ITGA11: variants seen among roughly 807,000 people sequenced by gnomAD.
The protein encoded by ITGA11 is integrin alpha-11.
In ITGA11, 97 loss-of-function variants were observed where a neutral mutation model predicts 141.9. The observed-to-expected ratio is 0.68, with a 90% CI of 0.58 to 0.81. The LOEUF (loss-of-function observed/expected upper bound fraction) is 0.81, where lower values mean the gene tolerates loss of function less well. ITGA11 is among the 30% of genes least tolerant of loss of function. The probability of loss-of-function intolerance (pLI) is 0.00; values close to 1 mark genes in which losing one functional copy is unlikely to be tolerated. For synonymous variants in ITGA11, 658 were observed against 624.6 expected (o/e 1.05, Z -0.80); for missense variants, 1,387 against 1,559.2 (o/e 0.89, Z 1.86).
At chr15:68,407,942 C>T (rs568765345) in intron 1 of ITGA11, among the ~76,000 whole-genome samples, 3 of 152,326 alleles carry the variant, frequency 2.0e-5, no homozygotes, top group South Asian at 2.1e-4. Context: ...GGGGAGAGTT[C>T]GCTCCAGCTT....
chr15:68,369,485 TG>T (rs1393196034), intron 2 of ITGA11, among the ~76,000 whole-genome samples: 1 of 152,178 alleles, frequency 6.6e-6, no homozygotes, highest in Non-Finnish European at 1.5e-5. Context: ...CATAAAGTCA[TG>T]GGACCTGTGG....
chr15:68,389,369 T>C (rs1352257901), intron 2 of ITGA11, among the ~76,000 whole-genome samples: 5 of 152,228 alleles, frequency 3.3e-5, no homozygotes. Context: ...CTGGGCCCTG[T>C]GGACACCACA....
At chr15:68,413,910 C>T (rs891654819) in intron 1 of ITGA11, among the ~76,000 whole-genome samples, 6 of 152,198 alleles carry the variant, frequency 3.9e-5, no homozygotes, top group Admixed American at 1.3e-4. Flanking sequence ...AAGGAAAGAA[C>T]GAAAGAAAAT....
At chr15:68,311,114 A>C (rs746836825) in intron 25 of ITGA11, 34 bp from the exon 26 acceptor site, 14 of 1,517,382 alleles carry the variant, frequency 9.2e-6, no homozygotes, top group Middle Eastern at 3.4e-4. Context: ...ACACACATAC[A>C]CAGCCTCACA....
chr15:68,380,813 C>A (rs1047156804), intron 2 of ITGA11, among the ~76,000 whole-genome samples: 14 of 152,184 alleles, frequency 9.2e-5, no homozygotes, highest in African/African-American at 2.7e-4. Context: ...CAGAGTCATC[C>A]TCAACAGGTT....
Position 68,321,409 on chromosome 15 carries a change from C to A in ITGA11, c.2408+9G>T. The A allele has an allele frequency of 6.4e-7, 1 of 1,555,134 alleles. No individual in the cohort carries two copies. On this transcript the variant is annotated intron_variant, in intron 19 of 29. Transcript: ENST00000315757. This position sits in a 1 kb window ranked among gnomAD's most constrained non-coding sequence, Gnocchi z 4.9. ...GGGGCGAGGGTGGGGGTGGAAGGAG[C>A]CAACTCACATGGCCGTGGGCAGGTC...
intron 2 of ITGA11, 75 bp from the exon 3 acceptor site, chr15:68,369,359 C>A (rs1895519763): frequency 3.6e-6 from 1 of 277,102 alleles, no homozygotes; most frequent in Non-Finnish European, 6.7e-6. Flanking sequence ...GCCTGGTGGG[C>A]AGTGTGGAGG....
chr15:68,314,796 G>A (rs1055111608), intron 22 of ITGA11, among the ~76,000 whole-genome samples: 6 of 152,190 alleles, frequency 3.9e-5, no homozygotes, highest in Non-Finnish European at 5.9e-5. Context: ...GCTGGGACGC[G>A]AGCACGTGTC....
rs1269642148 is a variant in ITGA11 at position 68,333,207 on chromosome 15, C to G, written c.1426-729G>C. Among the ~76,000 whole-genome samples, 1 of 151,918 alleles carries G rather than the reference C, an allele frequency of 6.6e-6. No homozygotes were observed. The highest frequency in any genetic ancestry group is 2.4e-5 in the African/African-American group (1 of 41,356). ...CTCAAACTCCTGGGTTCAAGTGATC[C>G]TCCCATCTCAGCCTCCTGAGTAGCT... On this transcript the variant is annotated intron_variant, in intron 12 of 29. Transcript: ENST00000315757. The surrounding 1 kb of genome is among the most constrained non-coding windows in gnomAD (Gnocchi z 4.2).
intron 16 of ITGA11, among the ~76,000 whole-genome samples, chr15:68,327,283 T>C (rs1894009338): frequency 6.6e-6 from 1 of 152,196 alleles, no homozygotes; most frequent in African/African-American, 2.4e-5. Flanking sequence ...TTCTGGGGCA[T>C]AAACCCTGCT....
rs1039321508 is a variant in ITGA11, at chr15:68,331,027, GC to G, written c.1854del (p.Leu619SerfsTer13). On this transcript the variant is annotated frameshift_variant, in exon 15 of 30. Coordinates refer to ENST00000315757, the MANE Select transcript of ITGA11 (RefSeq NM_001004439.2). LOFTEE classifies it high-confidence loss of function. ...IHGQLDLNEDGLIDLAVGALG... is the reference protein window; with the variant it reads ...IHGQLDLNEDXLIDLAVGALG... The stretch of plus-strand genomic sequence containing the variant: ...AGGGCTCCCACTGCCAGGTCGATGA[GC>G]CCATCCTCATTGAGGTCCAATTGCC... The G allele has an allele frequency of 3.1e-6, 5 of 1,613,450 alleles. No individual in the cohort carries two copies. Among genetic ancestry groups the G allele is most frequent in the Non-Finnish European group, 4.2e-6 (5 of 1,179,770 alleles).
Position 68,350,685 on chromosome 15 carries a change from T to C in ITGA11, c.992A>G (p.Asn331Ser), listed in dbSNP as rs776256824. 23 of 1,613,824 alleles carry C rather than the reference T, an allele frequency of 1.4e-5. No individual in the cohort carries two copies. Among genetic ancestry groups the C allele is most frequent in the African/African-American group, 4.0e-5 (3 of 74,922 alleles). Residue 331 changes from asparagine to serine, a missense_variant, in exon 9 of 30, where the codon AAT (asparagine) becomes AGT (serine). By Grantham distance (46) the Asn-to-Ser change is conservative. Coordinates refer to ENST00000315757, the MANE Select transcript of ITGA11 (RefSeq NM_001004439.2). ...ASDPDDKHFF[N>S]VTDEAALKDI... ...CTTCAAGGCAGCCTCATCAGTGACA[T>C]TGAAGAAGTGCTTGTCATCAGGGTC...
rs369936062 is a variant in ITGA11, at chr15:68,307,499, C to T, written c.3286-56G>A. On this transcript the variant is annotated intron_variant, in intron 27 of 29. Transcript: ENST00000315757. The surrounding 1 kb of genome is among the most constrained non-coding windows in gnomAD (Gnocchi z 6.1). ...GCTTGGAAGCTTTTCTTCCCGTCCCCTCCCCAGGCAGCCCCAGGTGGAAGA... is the reference window on the plus strand; with the variant it reads ...GCTTGGAAGCTTTTCTTCCCGTCCCTTCCCCAGGCAGCCCCAGGTGGAAGA... 2.0e-5 allele frequency: 30 copies of T among 1,521,288 alleles called. No homozygotes were observed. The East Asian group carries it at 6.3e-4, about 32-fold the overall frequency. 94.2% of individuals were successfully genotyped at this position (1,521,288 alleles called of 1,614,324 possible).
intron 1 of ITGA11, among the ~76,000 whole-genome samples, chr15:68,425,741 C>T (rs1471223143): frequency 1.3e-5 from 2 of 152,224 alleles, no homozygotes; most frequent in Admixed American, 1.3e-4. Context: ...TTCCTGAGGC[C>T]CAGTCCTCTG....
rs752074900 is a variant in ITGA11 at position 68,333,077 on chromosome 15, T to C, written c.1426-599A>G. Among the ~76,000 whole-genome samples the C allele has an allele frequency of 2.0e-4, 31 of 151,608 alleles. No individual in the cohort carries two copies. Among genetic ancestry groups the C allele is most frequent in the Non-Finnish European group, 4.6e-4 (31 of 68,014 alleles). On this transcript the variant is annotated intron_variant, in intron 12 of 29. Transcript: ENST00000315757. The surrounding 1 kb of genome is among the most constrained non-coding windows in gnomAD (Gnocchi z 4.2). ...TCCAAATTATGCATGTATCATAATG[T>C]GTTTAATCAGTTATTGCTGGACGGT...
intron 2 of ITGA11, among the ~76,000 whole-genome samples, chr15:68,400,660 A>T (rs1345748973): frequency 1.6e-4 from 5 of 31,078 alleles, no homozygotes; most frequent in South Asian, 6.2e-4. Flanking sequence ...TATATAATAA[A>T]TATATTATAT....
Position 68,300,896 on chromosome 15 carries a change from A to G in ITGA11, c.*2163T>C, listed in dbSNP as rs1284677425. 6.6e-6 allele frequency: 1 copy of G among 152,240 alleles called. No homozygotes were observed. Among genetic ancestry groups the G allele is most frequent in the African/African-American group, 2.4e-5 (1 of 41,458 alleles). The allele number at this position is 152,240 out of a possible 1,614,324, so 9.4% of individuals were successfully genotyped here. A position where few individuals can be genotyped will look rare whatever the true frequency, so the allele number is the denominator to read the frequency against. ...GCCAGCCTCTAAAAATCAGATATCC[A>G]TAAGAGCATTCTCAGATCTGATGAT... On this transcript the variant is annotated 3_prime_UTR_variant, in exon 30 of 30. Coordinates refer to ENST00000315757, the MANE Select transcript of ITGA11 (RefSeq NM_001004439.2).
Position 68,307,031 on chromosome 15 carries a change from A to T in ITGA11, c.3381+317T>A, listed in dbSNP as rs546818149. On this transcript the variant is annotated intron_variant, in intron 28 of 29. Coordinates refer to ENST00000315757, the MANE Select transcript of ITGA11 (RefSeq NM_001004439.2). The surrounding 1 kb of genome is among the most constrained non-coding windows in gnomAD (Gnocchi z 6.1). ...GTCTCACTCCTTTCCTGGACCCTGG[A>T]TGAAGCCAGTGTAATCTGTAACAAT... Among the ~76,000 whole-genome samples the T allele has an allele frequency of 3.3e-5, 5 of 152,100 alleles. No homozygotes were observed. Among genetic ancestry groups the T allele is most frequent in the Non-Finnish European group, 7.4e-5 (5 of 68,026 alleles).
rs200437386 is a variant in ITGA11 at position 68,315,661 on chromosome 15, C to T, written c.2782G>A (p.Ala928Thr). ...IFLHHLEIELAAGSDSNERDS... is the reference protein window; with the variant it reads ...IFLHHLEIELTAGSDSNERDS... ...AGGCACGGCCCTGACCTGCCTGCAGCGAGCTCGATCTCCAGGTGGTGTAGG... is the reference window on the plus strand; with the variant it reads ...AGGCACGGCCCTGACCTGCCTGCAGTGAGCTCGATCTCCAGGTGGTGTAGG... Residue 928 changes from alanine to threonine, a missense_variant, in exon 22 of 30, where the codon GCT (alanine) becomes ACT (threonine). Ala to Thr is a moderately conservative substitution (Grantham distance 58). Coordinates refer to ENST00000315757, the MANE Select transcript of ITGA11 (RefSeq NM_001004439.2). 7.2e-4 allele frequency: 1,157 copies of T among 1,613,128 alleles called. 1 individual carries two copies. Among genetic ancestry groups the T allele is most frequent in the East Asian group, 8.7e-4 (39 of 44,856 alleles).
Sources: allele counts gnomAD v4.1 joint callset (sites outside exome capture counted in the v4.1 genomes callset), GRCh38; gene constraint gnomAD v4.1.1; non-coding constraint Gnocchi (gnomAD v3.1); transcripts MANE v1.5; gene names NCBI Gene and HGNC (gene_info 2026-07-23, HGNC 2026-07-21).